FRRS1: variants seen among roughly 807,000 people sequenced by gnomAD.
The protein encoded by FRRS1 is ferric reductase 1.
FRRS1 carries 51 observed loss-of-function variants against 70.7 expected under a neutral mutation model. That is an observed-to-expected ratio of 0.72 (90% confidence interval 0.58 to 0.91). FRRS1 has a LOEUF of 0.91. Among genes scored for constraint, FRRS1 ranks in the 40% least tolerant of loss-of-function variants. FRRS1 has a pLI of 0.00. For missense variants in FRRS1, 672 were observed against 726.0 expected, an observed-to-expected ratio of 0.93 and a Z score of 0.86; for synonymous variants, 225 against 238.7, an observed-to-expected ratio of 0.94 and a Z score of 0.53.
chr1:99,739,184 C>T (rs1270123312), intron 6 of FRRS1, among the ~76,000 whole-genome samples: 1 of 152,152 alleles, frequency 6.6e-6, no homozygotes, highest in Non-Finnish European at 1.5e-5. Flanking sequence ...AACTACACAA[C>T]AAGAAAACTG....
At chr1:99,742,341 A>G in intron 4 of FRRS1, 68 bp from the exon 5 acceptor site, 1 of 967,664 alleles carries the variant, frequency 1.0e-6, no homozygotes, top group Non-Finnish European at 1.7e-6. Context: ...AACTTCTATC[A>G]TTTTGCGAAG....
At chr1:99,748,460 T>C in intron 3 of FRRS1, 113 bp downstream of exon 3, 1 of 915,932 alleles carries the variant, frequency 1.1e-6, no homozygotes. Context: ...TGATAGTATC[T>C]TACAAAAGAA....
intron 7 of FRRS1, among the ~76,000 whole-genome samples, chr1:99,733,609 T>C (rs989734067): frequency 6.6e-6 from 1 of 152,054 alleles, no homozygotes; most frequent in Non-Finnish European, 1.5e-5. Flanking sequence ...GAATGAATGG[T>C]GGTAATAAAC....
intron 6 of FRRS1, among the ~76,000 whole-genome samples, chr1:99,740,080 T>A (rs886425564): frequency 6.6e-6 from 1 of 152,208 alleles, no homozygotes; most frequent in African/African-American, 2.4e-5. Flanking sequence ...TTGTTCAGCA[T>A]ATACAATTCC....
At position 99,747,280 on chromosome 1, in the gene FRRS1, C is replaced by T; in HGVS notation, c.333+14G>A. ...AACCTCCACATTGTTCAAGGATCAA[C>T]TCTAAACACAAACCTGTATATCTTC... is the stretch of plus-strand genomic sequence containing the variant. On this transcript the variant is annotated intron_variant, in intron 4 of 16. Transcript: ENST00000646001. 1.9e-6 allele frequency: 3 copies of T among 1,607,450 alleles called. No homozygotes were observed. Among genetic ancestry groups the T allele is most frequent in the Non-Finnish European group, 2.5e-6 (3 of 1,176,954 alleles).
Position 99,717,429 on chromosome 1 carries a change from C to G in FRRS1, c.1217G>C (p.Gly406Ala). The change falls in exon 11 of 17, where the codon GGT becomes GCT. Residue 406 changes from glycine to alanine, a missense_variant. By Grantham distance (60) the Gly-to-Ala change is moderately conservative. Transcript: ENST00000646001. ...ACCTACCTGAAACCAAGCTGCTTCA[C>G]CAAGCAAGAAAGCTTTTGACCAAAC... is the stretch of plus-strand genomic sequence containing the variant. ...KPVWSKAFLLGEAAWFQVHRM... is the reference protein window; with the variant it reads ...KPVWSKAFLLAEAAWFQVHRM... 1 of 1,613,818 alleles carries G rather than the reference C, an allele frequency of 6.2e-7. No homozygotes were observed. The highest frequency in any genetic ancestry group is 8.5e-7 in the Non-Finnish European group (1 of 1,179,692).
intron 12 of FRRS1, among the ~76,000 whole-genome samples, chr1:99,714,185 C>CTT (rs921323480): frequency 7.8e-5 from 11 of 140,662 alleles, no homozygotes; most frequent in African/African-American, 1.3e-4. Context: ...GTCTGGTTTA[C>CTT]TTTTTTTTTT....
At chr1:99,760,257 T>C (rs923055194) in intron 1 of FRRS1, among the ~76,000 whole-genome samples, 5 of 152,220 alleles carry the variant, frequency 3.3e-5, no homozygotes, top group African/African-American at 1.2e-4. Context: ...CTGAACACTA[T>C]TGGGCTTAGA....
intron 4 of FRRS1, among the ~76,000 whole-genome samples, chr1:99,743,387 A>G (rs1220233920): frequency 6.6e-6 from 1 of 152,220 alleles, no homozygotes; most frequent in African/African-American, 2.4e-5. Flanking sequence ...TTCAATATAT[A>G]TATTAGAAAA....
intron 9 of FRRS1, among the ~76,000 whole-genome samples, chr1:99,720,650 T>C (rs1241487213): frequency 6.6e-6 from 1 of 152,006 alleles, no homozygotes; most frequent in African/African-American, 2.4e-5. Context: ...AGGGGGAAAA[T>C]TGTCCACCTA....
chr1:99,730,735 T>TGGC (rs1214629532), intron 7 of FRRS1, among the ~76,000 whole-genome samples: 6 of 151,880 alleles, frequency 4.0e-5, no homozygotes, highest in Admixed American at 2.0e-4. Flanking sequence ...GGCATGGTAG[T>TGGC]GGGCGCCTGT....
At chr1:99,742,436 T>C (rs1158646285) in intron 4 of FRRS1, among the ~76,000 whole-genome samples, 163 bp from the exon 5 acceptor site, 1 of 152,166 alleles carries the variant, frequency 6.6e-6, no homozygotes, top group Non-Finnish European at 1.5e-5. Flanking sequence ...AATGAAATGT[T>C]GATTGGTTGA....
chr1:99,738,694 T>C (rs1175600270), intron 6 of FRRS1, among the ~76,000 whole-genome samples: 1 of 152,192 alleles, frequency 6.6e-6, no homozygotes, highest in Non-Finnish European at 1.5e-5. Flanking sequence ...TTCTCAGAGA[T>C]GAAGATTTAA....
At chr1:99,711,331 G>C (rs377644210) in intron 14 of FRRS1, 33 of 171,372 alleles carry the variant, frequency 1.9e-4, no homozygotes, top group Non-Finnish European at 5.0e-5. Context: ...CTTTATGTCC[G>C]TGTGTACTCA....
chr1:99,737,065 C>T (rs979025194), intron 7 of FRRS1, among the ~76,000 whole-genome samples: 4 of 151,954 alleles, frequency 2.6e-5, no homozygotes, highest in African/African-American at 9.7e-5. Context: ...TAATAAGGGG[C>T]TTTCTCCATT....
At chr1:99,741,109 G>C (rs7551679) in intron 5 of FRRS1, among the ~76,000 whole-genome samples, 169 bp from the exon 6 acceptor site, 75,255 of 152,054 alleles carry the variant, frequency 0.49, 22,639 homozygotes, top group African/African-American at 0.85. Flanking sequence ...TCTCCCACCC[G>C]ATCACTTGAC....
chr1:99,706,636 G>A lies in FRRS1; in HGVS notation c.*2392C>T, dbSNP rs1055026591. On this transcript the variant is annotated 3_prime_UTR_variant, in exon 17 of 17. Transcript: ENST00000646001. ...CAGCTGGGCACAGTGGCTCGTGCCT[G>A]TAATCCCAGCACTTTGGGAGGCTGA... Among the ~76,000 whole-genome samples, 1 of 152,104 alleles carries A rather than the reference G, an allele frequency of 6.6e-6. No individual in the cohort carries two copies. Among genetic ancestry groups the A allele is most frequent in the African/African-American group, 2.4e-5 (1 of 41,418 alleles).
chr1:99,747,198 G>C, intron 4 of FRRS1, 96 bp downstream of exon 4: 1 of 875,550 alleles, frequency 1.1e-6, no homozygotes. Context: ...AAGTCTGGGG[G>C]GAGTCAAAAG....
chr1:99,733,899 A>T (rs1330230931), intron 7 of FRRS1, among the ~76,000 whole-genome samples: 2 of 152,214 alleles, frequency 1.3e-5, no homozygotes, highest in Non-Finnish European at 2.9e-5. Context: ...AGACTTCATG[A>T]TACAGAAATC....
Sources: allele counts gnomAD v4.1 joint callset (sites outside exome capture counted in the v4.1 genomes callset), GRCh38; gene constraint gnomAD v4.1.1; transcripts MANE v1.5; gene names NCBI Gene and HGNC (gene_info 2026-07-23, HGNC 2026-07-21).